Variants in ESRRG observed in about 807,000 individuals in gnomAD.
ESRRG encodes the protein estrogen-related receptor gamma.
ESRRG carries 13 observed loss-of-function variants against 44.0 expected under a neutral mutation model. That is an observed-to-expected ratio of 0.30 (90% confidence interval 0.19 to 0.47). ESRRG has a LOEUF of 0.47. Among genes scored for constraint, ESRRG ranks in the 20% least tolerant of loss-of-function variants. The pLI, the probability that ESRRG is intolerant of heterozygous loss-of-function variation, is 1.00. For missense variants in ESRRG, 395 were observed against 580.6 expected (o/e 0.68, Z 3.29); for synonymous variants, 215 against 214.6 (o/e 1.00, Z -0.02).
rs2096263009 is a variant in ESRRG, at chr1:216,871,777, T to G, written c.-14+67805A>C. Among the ~76,000 whole-genome samples, 3 of 152,096 alleles carry G rather than the reference T, an allele frequency of 2.0e-5. No individual in the cohort carries two copies. The South Asian group carries it at 6.2e-4, about 31-fold the overall frequency. ...TCGTAGTTGCCATATATATTAGATC[T>G]GTATACATTGAAAACTCTATCATTC... On this transcript the variant is annotated intron_variant, in intron 2 of 7. Coordinates refer to the ESRRG transcript ENST00000359162.
At chr1:216,754,095 T>C (rs2092287734) in intron 2 of ESRRG, among the ~76,000 whole-genome samples, 1 of 152,038 alleles carries the variant, frequency 6.6e-6, no homozygotes, top group Admixed American at 6.6e-5. Flanking sequence ...ATAAGAGCTT[T>C]CAAAAGTAAC....
intron 1 of ESRRG, among the ~76,000 whole-genome samples, chr1:217,082,979 T>C (rs891940223): frequency 8.5e-5 from 13 of 152,224 alleles, no homozygotes; most frequent in African/African-American, 3.1e-4. Context: ...AAACTTCCTG[T>C]TATATGTGCT....
At chr1:217,081,296 C>T (rs1237289959) in intron 1 of ESRRG, among the ~76,000 whole-genome samples, 1 of 119,928 alleles carries the variant, frequency 8.3e-6, no homozygotes, top group Non-Finnish European at 1.6e-5. Flanking sequence ...GGCACAATCT[C>T]GGCTCACCGC....
chr1:216,905,337 C>T (rs1402738728), intron 2 of ESRRG, among the ~76,000 whole-genome samples: 1 of 152,040 alleles, frequency 6.6e-6, no homozygotes, highest in Non-Finnish European at 1.5e-5. Context: ...CACCCCAGCT[C>T]ATTCCCACCT....
chr1:216,635,164 A>T (rs2065040243), intron 3 of ESRRG, among the ~76,000 whole-genome samples: 1 of 152,164 alleles, frequency 6.6e-6, no homozygotes. Flanking sequence ...CATTAATTTG[A>T]TGTTCAGGGG....
chr1:216,935,940 T>G (rs1194080754), intron 2 of ESRRG, among the ~76,000 whole-genome samples: 1 of 152,122 alleles, frequency 6.6e-6, no homozygotes, highest in Non-Finnish European at 1.5e-5. Context: ...TATAGCAGCT[T>G]CATCCTGTAG....
At chr1:216,761,162 TA>T (rs200782490) in intron 2 of ESRRG, among the ~76,000 whole-genome samples, 3,665 of 147,224 alleles carry the variant, frequency 0.025, 60 homozygotes, top group Non-Finnish European at 0.032. Flanking sequence ...ACTACACAAA[TA>T]AAAAAAAAAA....
intron 2 of ESRRG, among the ~76,000 whole-genome samples, chr1:216,737,578 T>C (rs1166407130): frequency 1.3e-5 from 2 of 152,132 alleles, no homozygotes; most frequent in Admixed American, 1.3e-4. Context: ...CACTGCTAAA[T>C]TACTTAGCCC....
chr1:216,679,498 T>C (rs1319954951), intron 1 of ESRRG, among the ~76,000 whole-genome samples: 1 of 152,174 alleles, frequency 6.6e-6, no homozygotes, highest in African/African-American at 2.4e-5. Context: ...AGACTAGAGT[T>C]AGAAGTTTTT....
chr1:216,631,839 G>A (rs1481511447), intron 3 of ESRRG, among the ~76,000 whole-genome samples: 1 of 152,080 alleles, frequency 6.6e-6, no homozygotes, highest in Non-Finnish European at 1.5e-5. Context: ...ACATGCATGG[G>A]CCCAAGGAAA....
intron 2 of ESRRG, among the ~76,000 whole-genome samples, chr1:216,933,373 T>G (rs1290510018): frequency 2.0e-5 from 3 of 152,120 alleles, no homozygotes; most frequent in Non-Finnish European, 1.5e-5. Flanking sequence ...TCTAATTTTC[T>G]AGCCCCACCT....
intron 6 of ESRRG, among the ~76,000 whole-genome samples, chr1:216,516,668 C>CACACAGAGAGAGAGAGAGAGAG (rs376701865): frequency 7.3e-6 from 1 of 137,168 alleles, no homozygotes; most frequent in African/African-American, 2.9e-5. Flanking sequence ...CACACACACA[C>CACACAGAGAGAGAGAGAGAGAG]AGAGAGAGAG....
chr1:216,546,697 C>A (rs1017217840), intron 5 of ESRRG, among the ~76,000 whole-genome samples: 4 of 151,542 alleles, frequency 2.6e-5, no homozygotes, highest in Admixed American at 6.6e-5. Flanking sequence ...AAAAAAAAAT[C>A]AGGTTGAAAG....
intron 2 of ESRRG, among the ~76,000 whole-genome samples, chr1:216,802,074 T>C (rs908447256): frequency 6.6e-6 from 1 of 152,150 alleles, no homozygotes; most frequent in Admixed American, 6.6e-5. Context: ...GTCAGAATAA[T>C]GGTTAAAAAA....
intron 1 of ESRRG, chr1:216,715,316 T>A: frequency 1.2e-6 from 1 of 854,342 alleles, no homozygotes; most frequent in Non-Finnish European, 1.4e-6. Flanking sequence ...AGTCACTTTC[T>A]CATAGGAAAA....
chr1:216,905,521 C>G (rs1370735155), intron 2 of ESRRG, among the ~76,000 whole-genome samples: 1 of 152,068 alleles, frequency 6.6e-6, no homozygotes, highest in Non-Finnish European at 1.5e-5. Flanking sequence ...TTTCTTCCTA[C>G]CACCACCCTC....
At chr1:216,616,201 A>G (rs1388889028) in intron 3 of ESRRG, among the ~76,000 whole-genome samples, 1 of 152,174 alleles carries the variant, frequency 6.6e-6, no homozygotes, top group Non-Finnish European at 1.5e-5. Context: ...GTGCCCACAG[A>G]GACTTGGAAA....
chr1:216,866,390 C>T (rs1456571750), intron 2 of ESRRG, among the ~76,000 whole-genome samples: 2 of 152,054 alleles, frequency 1.3e-5, no homozygotes. Flanking sequence ...CATATATGTT[C>T]TTATCAATAT....
At chr1:216,658,992 T>C (rs541412691) in intron 2 of ESRRG, among the ~76,000 whole-genome samples, 1 of 152,210 alleles carries the variant, frequency 6.6e-6, no homozygotes, top group African/African-American at 2.4e-5. Flanking sequence ...TTATTGGCTG[T>C]GTGAACTTGA....
Sources: allele counts gnomAD v4.1 joint callset (sites outside exome capture counted in the v4.1 genomes callset), GRCh38; gene constraint gnomAD v4.1.1; transcripts MANE v1.5; gene names NCBI Gene and HGNC (gene_info 2026-07-23, HGNC 2026-07-21).